The following NEDD4L variants were observed in gnomAD, a reference collection of about 807,000 sequenced individuals.
The protein encoded by NEDD4L is NEDD4 like E3 ubiquitin protein ligase, also known as E3 ubiquitin-protein ligase NEDD4-like.
Under a neutral mutation model 148.9 loss-of-function variants are expected in NEDD4L, and 54 were observed. The observed-to-expected ratio is 0.36, with a 90% CI of 0.29 to 0.45. The LOEUF is 0.45. Ranked by LOEUF, NEDD4L falls within the 20% of genes least tolerant of loss-of-function variation. The pLI is 1.00. For missense variants in NEDD4L, 856 were observed against 1,233.8 expected (o/e 0.69, Z 4.59); for synonymous variants, 433 against 440.7 (o/e 0.98, Z 0.22).
chr18:58,200,857 A>G (rs2041315527), intron 2 of NEDD4L, among the ~76,000 whole-genome samples: 1 of 152,258 alleles, frequency 6.6e-6, no homozygotes, highest in African/African-American at 2.4e-5. Flanking sequence ...TGAGGTCTGT[A>G]CAGATGCTGA....
intron 1 of NEDD4L, among the ~76,000 whole-genome samples, chr18:58,156,456 A>G (rs2035508496): frequency 6.6e-6 from 1 of 152,244 alleles, no homozygotes; most frequent in East Asian, 1.9e-4. Context: ...GAGAAGTTAC[A>G]TGCATGCATC....
chr18:58,157,185 C>CAAA (rs59302556), intron 1 of NEDD4L, among the ~76,000 whole-genome samples: 8 of 89,324 alleles, frequency 9.0e-5, no homozygotes, highest in African/African-American at 2.2e-4. Flanking sequence ...GACCTTGTCT[C>CAAA]AAAAAAAAAA....
chr18:58,172,398 C>G (rs1290125679), intron 2 of NEDD4L, among the ~76,000 whole-genome samples: 1 of 152,196 alleles, frequency 6.6e-6, no homozygotes, highest in African/African-American at 2.4e-5. Context: ...GTGAGTCGTG[C>G]TTTCTTAACA....
intron 1 of NEDD4L, among the ~76,000 whole-genome samples, chr18:58,148,929 A>G (rs1331759315): frequency 6.6e-6 from 1 of 152,230 alleles, no homozygotes; most frequent in African/African-American, 2.4e-5. Flanking sequence ...GCAGTTGGTA[A>G]GAATCTCAGT....
At chr18:58,157,017 A>G (rs1387526966) in intron 1 of NEDD4L, among the ~76,000 whole-genome samples, 1 of 138,326 alleles carries the variant, frequency 7.2e-6, no homozygotes, top group Non-Finnish European at 1.6e-5. Context: ...CTCTACCAAA[A>G]AAATACAGGA....
intron 2 of NEDD4L, among the ~76,000 whole-genome samples, chr18:58,217,388 T>G (rs2043260973): frequency 6.6e-6 from 1 of 152,252 alleles, no homozygotes; most frequent in Admixed American, 6.5e-5. Flanking sequence ...GGGTCTCCTC[T>G]ACCCTCAGCA....
At chr18:58,324,394 T>G (rs548993190) in intron 8 of NEDD4L, among the ~76,000 whole-genome samples, 1 of 152,282 alleles carries the variant, frequency 6.6e-6, no homozygotes, top group African/African-American at 2.4e-5. Context: ...AGGGCCTGAG[T>G]AGAAGGCAGC....
chr18:58,330,999 T>C lies in NEDD4L; in HGVS notation c.990+85T>C, dbSNP rs1299972186. 9 of 1,349,692 alleles carry C rather than the reference T, an allele frequency of 6.7e-6. No homozygotes were observed. In the East Asian group the frequency reaches 1.2e-4, roughly 17 times the overall value. 83.6% of individuals were successfully genotyped at this position (1,349,692 alleles called of 1,614,324 possible). ...TAAGGAGAATCTCTTACGTAAATAG[T>C]GACCAAGGGTCTTCCAGCTCCCAGC... On this transcript the variant is annotated intron_variant, in intron 11 of 30. Transcript: ENST00000400345.
chr18:58,282,042 A>C (rs559303387), intron 5 of NEDD4L, among the ~76,000 whole-genome samples: 2 of 151,624 alleles, frequency 1.3e-5, no homozygotes, highest in African/African-American at 4.9e-5. Context: ...AAAAAAGCAA[A>C]CAAAATAACT....
chr18:58,058,752 G>A (rs922201170), intron 1 of NEDD4L, among the ~76,000 whole-genome samples: 9 of 152,156 alleles, frequency 5.9e-5, no homozygotes, highest in Non-Finnish European at 1.2e-4. Flanking sequence ...TCAAAGCTGG[G>A]CACTCTGTCT....
chr18:58,344,252 T>C (rs1700502806), intron 16 of NEDD4L, among the ~76,000 whole-genome samples: 1 of 152,198 alleles, frequency 6.6e-6, no homozygotes, highest in South Asian at 2.1e-4. Context: ...GCCTTGCCCA[T>C]TGTGTGGTAT....
At chr18:58,392,078 G>A (rs995073471) in intron 30 of NEDD4L, among the ~76,000 whole-genome samples, 1 of 152,240 alleles carries the variant, frequency 6.6e-6, no homozygotes, top group South Asian at 2.1e-4. Context: ...AGCGTGGAGC[G>A]TGGCTGCCCT....
chr18:58,386,927 G>A (rs552001530), intron 26 of NEDD4L, among the ~76,000 whole-genome samples: 390 of 152,326 alleles, frequency 2.6e-3, no homozygotes, highest in Admixed American at 7.9e-3. Flanking sequence ...GAAACGCGGC[G>A]TTCGCAGCGC....
chr18:58,173,784 C>T (rs1568327592), intron 2 of NEDD4L, among the ~76,000 whole-genome samples: 1 of 152,200 alleles, frequency 6.6e-6, no homozygotes, highest in Non-Finnish European at 1.5e-5. Context: ...GACTAATTGC[C>T]TAATGGACTC....
intron 1 of NEDD4L, among the ~76,000 whole-genome samples, chr18:58,102,229 C>CAG: frequency 6.6e-6 from 1 of 152,154 alleles, no homozygotes; most frequent in East Asian, 1.9e-4. Flanking sequence ...AGTAATGGTA[C>CAG]AGAGGGGTGG....
At chr18:58,299,457 A>G (rs1011361144) in intron 5 of NEDD4L, among the ~76,000 whole-genome samples, 1 of 152,258 alleles carries the variant, frequency 6.6e-6, no homozygotes, top group Non-Finnish European at 1.5e-5. Context: ...TTGACGCCTG[A>G]AAAGAAAAAT....
intron 1 of NEDD4L, among the ~76,000 whole-genome samples, chr18:58,052,998 G>T (rs574288045): frequency 1.8e-4 from 28 of 152,164 alleles, no homozygotes; most frequent in Admixed American, 5.9e-4. Flanking sequence ...CCTGTTCTGT[G>T]AAGGTGGAAC....
intron 2 of NEDD4L, among the ~76,000 whole-genome samples, chr18:58,225,492 C>T (rs1280618452): frequency 6.6e-6 from 1 of 152,204 alleles, no homozygotes; most frequent in African/African-American, 2.4e-5. Context: ...TGCTTGCGCA[C>T]ATCTATATTT....
Position 58,243,172 on chromosome 18 carries a change from G to A in NEDD4L, c.123-2255G>A, listed in dbSNP as rs8088074. Among the ~76,000 whole-genome samples the A allele has an allele frequency of 9.1e-3, 1,384 of 152,292 alleles. 25 individuals carry two copies. Among genetic ancestry groups the A allele is most frequent in the African/African-American group, 0.032 (1,316 of 41,552 alleles). On this transcript the variant is annotated intron_variant, in intron 2 of 30. Transcript: ENST00000400345. ...AGCTCTTTATTGCAGTTATATAATA[G>A]CCGGCAATCATGATAGCTGAGGGGC...
Sources: gnomAD v4.1 joint callset for allele counts (sites outside exome capture counted in the v4.1 genomes callset) on GRCh38, gnomAD v4.1.1 for gene constraint, MANE v1.5 for transcripts, NCBI Gene and HGNC (gene_info 2026-07-23, HGNC 2026-07-21) for gene names.